The following ATRNL1 variants were observed in gnomAD, a reference collection of about 807,000 sequenced individuals.
ATRNL1 encodes attractin like 1, also known as attractin-like protein 1.
A neutral mutation model predicts 182.7 loss-of-function variants in ATRNL1; 95 were observed. That is an observed-to-expected ratio of 0.52 (90% CI 0.44 to 0.62). The LOEUF is 0.62. ATRNL1 is among the 20% of genes least tolerant of loss of function. The probability of loss-of-function intolerance (pLI) is 0.00; values close to 1 mark genes in which losing one functional copy is unlikely to be tolerated. For synonymous variants in ATRNL1, 576 were observed against 568.3 expected (o/e 1.01, Z -0.19); for missense variants, 1,471 against 1,679.5 (o/e 0.88, Z 2.17).
At chr10:115,673,685 G>T (rs1945771145) in intron 26 of ATRNL1, among the ~76,000 whole-genome samples, 1 of 151,982 alleles carries the variant, frequency 6.6e-6, no homozygotes, top group Admixed American at 6.6e-5. Flanking sequence ...TTCCAGTGAT[G>T]ACCACAATAT....
chr10:115,565,672 A>G (rs560927093), intron 26 of ATRNL1, among the ~76,000 whole-genome samples: 1 of 152,278 alleles, frequency 6.6e-6, no homozygotes, highest in East Asian at 1.9e-4. Flanking sequence ...GTACAATAGC[A>G]TCCAAATTTC....
intron 17 of ATRNL1, among the ~76,000 whole-genome samples, chr10:115,313,417 G>C (rs974353861): frequency 3.3e-5 from 5 of 152,108 alleles, no homozygotes. Context: ...CTTGGTCATA[G>C]AGAGCCTTTT....
chr10:115,315,309 T>TG (rs1554929212), intron 17 of ATRNL1, among the ~76,000 whole-genome samples: 1 of 152,140 alleles, frequency 6.6e-6, no homozygotes, highest in East Asian at 1.9e-4. Flanking sequence ...ACTCCTGTGG[T>TG]GGCCTGTTTA....
intron 26 of ATRNL1, among the ~76,000 whole-genome samples, chr10:115,699,107 A>G (rs1321412652): frequency 6.6e-6 from 1 of 152,148 alleles, no homozygotes; most frequent in African/African-American, 2.4e-5. Context: ...AGCTTTGTTG[A>G]GAGGGATTAA....
At chr10:115,178,682 T>G (rs1208148761) in intron 8 of ATRNL1, among the ~76,000 whole-genome samples, 1 of 152,076 alleles carries the variant, frequency 6.6e-6, no homozygotes, top group African/African-American at 2.4e-5. Context: ...TTACAAAAAG[T>G]GCTGGAGGGA....
intron 27 of ATRNL1, among the ~76,000 whole-genome samples, chr10:115,833,783 G>A (rs552947406): frequency 2.0e-5 from 3 of 152,230 alleles, no homozygotes; most frequent in African/African-American, 7.2e-5. Context: ...GAGCCCACAT[G>A]TTTACCCTCT....
intron 6 of ATRNL1, among the ~76,000 whole-genome samples, chr10:115,163,127 G>T (rs1464015063): frequency 6.6e-6 from 1 of 151,340 alleles, no homozygotes; most frequent in African/African-American, 2.4e-5. Context: ...CACCATGTTT[G>T]TGTGCTGATG....
At chr10:115,295,787 C>T (rs1270465035) in intron 15 of ATRNL1, among the ~76,000 whole-genome samples, 1 of 152,010 alleles carries the variant, frequency 6.6e-6, no homozygotes, top group Non-Finnish European at 1.5e-5. Context: ...TGTGTAGGAC[C>T]AGAGTCACAG....
chr10:115,597,934 G>C lies in ATRNL1; in HGVS notation c.3795+48398G>C, dbSNP rs369213555. ...CATATAACTGAACTTCTAAACTCGT[G>C]ATATATAGATTATTTTTGGCCTAAA... is the stretch of plus-strand genomic sequence containing the variant. On this transcript the variant is annotated intron_variant, in intron 26 of 28. Transcript: ENST00000355044. 72 of 167,068 alleles carry C rather than the reference G, an allele frequency of 4.3e-4. 1 individual carries two copies. In the South Asian group the frequency reaches 9.2e-3, roughly 21 times the overall value. The allele number at this position is 167,068 out of a possible 1,614,324, so 10.3% of individuals were successfully genotyped here. A position where few individuals can be genotyped will look rare whatever the true frequency, so the allele number is the denominator to read the frequency against.
intron 24 of ATRNL1, among the ~76,000 whole-genome samples, chr10:115,488,062 G>C (rs1849112435): frequency 6.6e-6 from 1 of 152,156 alleles, no homozygotes; most frequent in South Asian, 2.1e-4. Context: ...TTGCATCTCA[G>C]GGATGAAGCT....
At chr10:115,831,637 A>G (rs898804142) in intron 27 of ATRNL1, among the ~76,000 whole-genome samples, 1 of 152,178 alleles carries the variant, frequency 6.6e-6, no homozygotes, top group Non-Finnish European at 1.5e-5. Flanking sequence ...GCACCGGCTA[A>G]CATGACATAG....
At chr10:115,144,562 G>A (rs1395311283) in intron 5 of ATRNL1, among the ~76,000 whole-genome samples, 3 of 152,076 alleles carry the variant, frequency 2.0e-5, no homozygotes, top group Non-Finnish European at 4.4e-5. Flanking sequence ...CAAAATGCTG[G>A]GATTACAGAC....
At chr10:115,174,259 A>T (rs1433739704) in intron 8 of ATRNL1, among the ~76,000 whole-genome samples, 2 of 151,198 alleles carry the variant, frequency 1.3e-5, no homozygotes, top group Non-Finnish European at 3.0e-5. Flanking sequence ...CTTTCACTTC[A>T]TCTACTTTCC....
intron 20 of ATRNL1, among the ~76,000 whole-genome samples, chr10:115,424,946 G>T (rs545190866): frequency 6.6e-6 from 1 of 152,128 alleles, no homozygotes. Context: ...TAAAAGTGGT[G>T]TTTGGAAATG....
chr10:115,165,228 A>T (rs550996569), intron 6 of ATRNL1, among the ~76,000 whole-genome samples: 65 of 152,154 alleles, frequency 4.3e-4, no homozygotes, highest in African/African-American at 1.5e-3. Flanking sequence ...AAAAAAAATT[A>T]AAAAATACAG....
rs376035204 is a variant in ATRNL1, at chr10:115,619,793, G to A, written c.3795+70257G>A. On this transcript the variant is annotated intron_variant, in intron 26 of 28. Coordinates refer to ENST00000355044, the MANE Select transcript of ATRNL1 (RefSeq NM_207303.4). ...TTTCTCTGATTTGTATTTACCTAAC[G>A]TATTTATTTTTAACAACACCTGGAT... 7.2e-5 allele frequency among the ~76,000 whole-genome samples: 11 copies of A among 152,038 alleles called. No individual in the cohort carries two copies. The East Asian group carries it at 1.7e-3, about 24-fold the overall frequency.
intron 18 of ATRNL1, among the ~76,000 whole-genome samples, chr10:115,333,166 G>A (rs1200863480): frequency 6.6e-6 from 1 of 152,164 alleles, no homozygotes; most frequent in Non-Finnish European, 1.5e-5. Flanking sequence ...TGCTATCATA[G>A]TTGTAATAAG....
intron 3 of ATRNL1, among the ~76,000 whole-genome samples, chr10:115,125,374 G>A (rs1220298597): frequency 1.3e-5 from 2 of 152,082 alleles, no homozygotes; most frequent in African/African-American, 4.8e-5. Context: ...TGTAATTATA[G>A]GTCCTAATCC....
intron 21 of ATRNL1, among the ~76,000 whole-genome samples, chr10:115,442,115 C>T (rs1846714481): frequency 6.6e-6 from 1 of 151,996 alleles, no homozygotes; most frequent in South Asian, 2.1e-4. Context: ...ATCAGACCAT[C>T]TCACTACCCA....
Sources: gnomAD v4.1 joint callset for allele counts (sites outside exome capture counted in the v4.1 genomes callset) on GRCh38, gnomAD v4.1.1 for gene constraint, MANE v1.5 for transcripts, NCBI Gene and HGNC (gene_info 2026-07-23, HGNC 2026-07-21) for gene names.